SH3D19: variants seen among roughly 807,000 people sequenced by gnomAD.
SH3D19 encodes SH3 domain containing 19.
A neutral mutation model predicts 112.1 loss-of-function variants in SH3D19; 58 were observed. The ratio of observed to expected loss-of-function variants is 0.52; its 90% CI spans 0.42 to 0.64. The LOEUF (loss-of-function observed/expected upper bound fraction) is 0.64, where lower values mean the gene tolerates loss of function less well. SH3D19 is among the 30% of genes least tolerant of loss of function. The pLI is 0.00. For synonymous variants in SH3D19, 391 were observed against 448.5 expected (o/e 0.87, Z 1.62); for missense variants, 1,090 against 1,263.4 (o/e 0.86, Z 2.08).
intron 1 of SH3D19, among the ~76,000 whole-genome samples, chr4:151,236,148 C>G (rs1014312831): frequency 1.1e-4 from 16 of 152,262 alleles, no homozygotes; most frequent in Admixed American, 2.6e-4. Flanking sequence ...TCTGGCCGCG[C>G]TGGAGGAGCC....
chr4:151,155,820 T>C (rs1252732398), intron 9 of SH3D19, among the ~76,000 whole-genome samples: 2 of 151,964 alleles, frequency 1.3e-5, no homozygotes, highest in Non-Finnish European at 2.9e-5. Context: ...ACCCAGGAGG[T>C]AGAGGTTGCA....
intron 1 of SH3D19, among the ~76,000 whole-genome samples, chr4:151,269,820 C>G (rs1370950258): frequency 6.7e-6 from 1 of 148,448 alleles, no homozygotes; most frequent in Non-Finnish European, 1.5e-5. Flanking sequence ...TTTATTTTTA[C>G]CTTTTAAGCT....
chr4:151,204,490 A>G (rs1198892852), intron 2 of SH3D19, among the ~76,000 whole-genome samples: 1 of 152,248 alleles, frequency 6.6e-6, no homozygotes, highest in Non-Finnish European at 1.5e-5. Context: ...CATTTAGTAT[A>G]AACTACCTCA....
intron 1 of SH3D19, among the ~76,000 whole-genome samples, chr4:151,308,176 G>C (rs1240958733): frequency 6.6e-6 from 1 of 152,172 alleles, no homozygotes; most frequent in Non-Finnish European, 1.5e-5. Flanking sequence ...AAAGTGCTGG[G>C]ATTACAAGCA....
intron 1 of SH3D19, among the ~76,000 whole-genome samples, chr4:151,228,372 T>C (rs1021839087): frequency 2.0e-5 from 3 of 152,164 alleles, no homozygotes; most frequent in Non-Finnish European, 2.9e-5. Context: ...GAAAAACAAA[T>C]TGAAACACAT....
chr4:151,236,958 G>C (rs932727099), intron 1 of SH3D19, among the ~76,000 whole-genome samples: 2 of 152,186 alleles, frequency 1.3e-5, no homozygotes, highest in Non-Finnish European at 2.9e-5. Flanking sequence ...GGCCAGATAA[G>C]GGAATAAAAG....
intron 1 of SH3D19, among the ~76,000 whole-genome samples, chr4:151,296,451 G>C (rs1775723394): frequency 6.6e-6 from 1 of 152,112 alleles, no homozygotes; most frequent in Admixed American, 6.6e-5. Context: ...TTGGCAGGCG[G>C]CCACCCAGTG....
At chr4:151,289,620 G>A (rs1028391619) in intron 1 of SH3D19, among the ~76,000 whole-genome samples, 2 of 152,182 alleles carry the variant, frequency 1.3e-5, no homozygotes, top group African/African-American at 4.8e-5. Flanking sequence ...TGCAAATGTA[G>A]AGAAATTGGA....
At chr4:151,315,717 A>G (rs1295603875) in intron 1 of SH3D19, among the ~76,000 whole-genome samples, 1 of 152,130 alleles carries the variant, frequency 6.6e-6, no homozygotes, top group African/African-American at 2.4e-5. Flanking sequence ...CTTGGGAGGC[A>G]GAGGCAAGAA....
intron 1 of SH3D19, among the ~76,000 whole-genome samples, chr4:151,257,590 AATC>A (rs373590561): frequency 1.8e-4 from 27 of 151,870 alleles, no homozygotes; most frequent in Admixed American, 2.6e-4. Context: ...TTATGTTATT[AATC>A]ATCATCATCA....
At chr4:151,252,023 C>T (rs768361232) in intron 1 of SH3D19, among the ~76,000 whole-genome samples, 4 of 152,188 alleles carry the variant, frequency 2.6e-5, no homozygotes, top group Non-Finnish European at 4.4e-5. Context: ...CATCTGTGCC[C>T]ATTGCCTTTG....
intron 1 of SH3D19, among the ~76,000 whole-genome samples, chr4:151,262,142 G>A (rs752301716): frequency 5.9e-5 from 9 of 152,254 alleles, no homozygotes; most frequent in East Asian, 3.9e-4. Context: ...CTTGTTCAGC[G>A]CCAGGGAGCT....
At chr4:151,235,559 T>G (rs1052885954) in intron 1 of SH3D19, among the ~76,000 whole-genome samples, 2 of 151,880 alleles carry the variant, frequency 1.3e-5, no homozygotes, top group African/African-American at 4.8e-5. Flanking sequence ...CCAAGGGAGG[T>G]GAATCACATG....
chr4:151,143,223 T>G (rs973863884), intron 12 of SH3D19, among the ~76,000 whole-genome samples: 49 of 150,932 alleles, frequency 3.2e-4, no homozygotes, highest in Admixed American at 9.2e-4. Context: ...GAGTGAGACC[T>G]TATCTCAAAA....
intron 16 of SH3D19, among the ~76,000 whole-genome samples, chr4:151,132,717 C>G (rs1420321684): frequency 6.6e-6 from 1 of 152,160 alleles, no homozygotes; most frequent in East Asian, 1.9e-4. Flanking sequence ...CTCACTGCAG[C>G]CTTGAACTCC....
chr4:151,122,037 A>C lies in SH3D19; in HGVS notation c.*54T>G. The stretch of plus-strand genomic sequence containing the variant: ...TAGTGCAAAAACATATCTGATAGTC[A>C]AGGTGATAGTTCAAGTGAGTTCTTG... On this transcript the variant is annotated 3_prime_UTR_variant, in exon 20 of 20. Transcript: ENST00000604030. 6 of 849,052 alleles carry C rather than the reference A, an allele frequency of 7.1e-6. No individual in the cohort carries two copies. Among genetic ancestry groups the C allele is most frequent in the Non-Finnish European group, 1.2e-5 (6 of 507,262 alleles). The allele number at this position is 849,052 out of a possible 1,614,324, so 52.6% of individuals were successfully genotyped here.
chr4:151,301,838 T>A, intron 1 of SH3D19, among the ~76,000 whole-genome samples: 1 of 152,184 alleles, frequency 6.6e-6, no homozygotes, highest in African/African-American at 2.4e-5. Context: ...ACATTGAGCA[T>A]TAAATAAGCA....
intron 1 of SH3D19, among the ~76,000 whole-genome samples, chr4:151,274,217 T>G (rs1270534941): frequency 2.6e-5 from 4 of 152,230 alleles, no homozygotes; most frequent in Non-Finnish European, 5.9e-5. Context: ...GTTGCAGTGT[T>G]TGCTTAAAAA....
intron 1 of SH3D19, among the ~76,000 whole-genome samples, chr4:151,280,201 C>G (rs574486724): frequency 1.2e-5 from 1 of 81,960 alleles, no homozygotes; most frequent in Non-Finnish European, 3.4e-5. Flanking sequence ...CTTCTAAATA[C>G]CAGTCAGGAG....
Sources: gnomAD v4.1 joint callset for allele counts (sites outside exome capture counted in the v4.1 genomes callset) on GRCh38, gnomAD v4.1.1 for gene constraint, MANE v1.5 for transcripts, NCBI Gene and HGNC (gene_info 2026-07-23, HGNC 2026-07-21) for gene names.